SDAD1: variants seen among roughly 807,000 people sequenced by gnomAD.
SDAD1 encodes protein SDA1 homolog.
SDAD1 carries 79 observed loss-of-function variants against 100.3 expected under a neutral mutation model. That is an observed-to-expected ratio of 0.79 (90% CI 0.66 to 0.95). The LOEUF is 0.95. Ranked by LOEUF, SDAD1 falls within the 40% of genes least tolerant of loss-of-function variation. The pLI is 0.00. For missense variants in SDAD1, 790 were observed against 810.9 expected (o/e 0.97, Z 0.31); for synonymous variants, 267 against 271.4 (o/e 0.98, Z 0.16).
intron 1 of SDAD1, among the ~76,000 whole-genome samples, chr4:75,984,778 A>AAACACACAC (rs1730780809): frequency 6.6e-5 from 9 of 136,928 alleles, no homozygotes; most frequent in African/African-American, 2.2e-4. Flanking sequence ...CACACACACA[A>AAACACACAC]ACACACACAC....
chr4:75,954,105 G>A lies in SDAD1; in HGVS notation c.2016+1870C>T, dbSNP rs551327345. On this transcript the variant is annotated intron_variant, in intron 21 of 21. Coordinates refer to ENST00000356260, the MANE Select transcript of SDAD1 (RefSeq NM_018115.4). ...AAAGTACCCACGCCTGGGGCCAGGC[G>A]CGGTAGTAGCTCACGCCTGTAATCC... 1.3e-3 allele frequency among the ~76,000 whole-genome samples: 199 copies of A among 152,142 alleles called. 1 individual carries two copies. The highest frequency in any genetic ancestry group is 4.5e-3 in the African/African-American group (185 of 41,524).
At chr4:75,958,316 T>G (rs1415639830) in intron 17 of SDAD1, among the ~76,000 whole-genome samples, 1 of 152,206 alleles carries the variant, frequency 6.6e-6, no homozygotes, top group Admixed American at 6.5e-5. Context: ...CTAAACCAAC[T>G]GTGTCCATCA....
chr4:75,962,409 T>C (rs1268181231), intron 14 of SDAD1, among the ~76,000 whole-genome samples: 2 of 152,238 alleles, frequency 1.3e-5, no homozygotes, highest in East Asian at 1.9e-4. Flanking sequence ...TTCGGGTATA[T>C]ACCCAGTTAT....
chr4:75,971,631 G>A (rs1729872778), intron 8 of SDAD1, among the ~76,000 whole-genome samples, 173 bp from the exon 9 acceptor site: 1 of 152,172 alleles, frequency 6.6e-6, no homozygotes, highest in Admixed American at 6.5e-5. Context: ...AGCGCTTTGG[G>A]AGGCCAAGGT....
At chr4:75,957,110 AAAAC>A (rs887141929) in intron 20 of SDAD1, among the ~76,000 whole-genome samples, 1 of 152,218 alleles carries the variant, frequency 6.6e-6, no homozygotes. Context: ...ACTGTCGCAA[AAAAC>A]AAACAAACAA....
At chr4:75,979,781 T>C (rs997512388) in intron 3 of SDAD1, among the ~76,000 whole-genome samples, 3 of 152,200 alleles carry the variant, frequency 2.0e-5, no homozygotes, top group Non-Finnish European at 2.9e-5. Flanking sequence ...TTTAAAAACC[T>C]ACTAATCATC....
At chr4:75,968,492 G>C (rs1018423261) in intron 11 of SDAD1, among the ~76,000 whole-genome samples, 6 of 151,648 alleles carry the variant, frequency 4.0e-5, no homozygotes, top group Non-Finnish European at 8.8e-5. Context: ...TAAATTTCTG[G>C]GTATCTCTTT....
At chr4:75,968,156 A>C (rs1415877546) in intron 11 of SDAD1, among the ~76,000 whole-genome samples, 1 of 152,180 alleles carries the variant, frequency 6.6e-6, no homozygotes, top group Non-Finnish European at 1.5e-5. Flanking sequence ...CTTAAATCAC[A>C]AATCACTTTT....
chr4:75,970,064 T>C (rs1184862640), intron 10 of SDAD1, among the ~76,000 whole-genome samples: 2 of 151,952 alleles, frequency 1.3e-5, no homozygotes, highest in South Asian at 2.1e-4. Flanking sequence ...CCTATTACAA[T>C]TGTGTTGTTA....
chr4:75,963,282 T>TTGGTACCAGTACCATGCTGTTC (rs1729352265), intron 14 of SDAD1, among the ~76,000 whole-genome samples: 1 of 151,834 alleles, frequency 6.6e-6, no homozygotes, highest in Admixed American at 6.6e-5. Flanking sequence ...CCATGCTGTT[T>TTGGTACCAGTACCATGCTGTTC]TGGTTACTGT....
At chr4:75,958,837 C>T (rs1422127838) in intron 17 of SDAD1, among the ~76,000 whole-genome samples, 1 of 151,112 alleles carries the variant, frequency 6.6e-6, no homozygotes, top group Admixed American at 6.6e-5. Flanking sequence ...GTGGCTCACG[C>T]CTGTAATCCC....
chr4:75,973,275 T>C (rs1340489109), intron 8 of SDAD1, 42 bp downstream of exon 8: 6 of 1,486,964 alleles, frequency 4.0e-6, no homozygotes, highest in Non-Finnish European at 4.7e-6. Context: ...CTCAGAGCAA[T>C]AATAAAAGGT....
In SDAD1 at chr4:75,970,289, C is replaced by T. The variant is rs377114178; in HGVS notation, c.883+20G>A. ...GCAGAGATAAGGCCAACAAGGAACT[C>T]GGACGTCATAATAACGTACCTTGGG... On this transcript the variant is annotated intron_variant, in intron 10 of 21. Coordinates refer to ENST00000356260, the MANE Select transcript of SDAD1 (RefSeq NM_018115.4). 3.0e-5 allele frequency: 48 copies of T among 1,604,256 alleles called. No individual in the cohort carries two copies. The highest frequency in any genetic ancestry group is 5.0e-5 in the Admixed American group (3 of 59,720).
At chr4:75,967,130 A>C in intron 12 of SDAD1, 147 bp downstream of exon 12, 2 of 706,596 alleles carry the variant, frequency 2.8e-6, no homozygotes, top group Non-Finnish European at 4.7e-6. Flanking sequence ...ACCCATAGCA[A>C]ACTCTAGAAA....
chr4:75,968,703 G>A (rs17506007), intron 11 of SDAD1, among the ~76,000 whole-genome samples: 19,806 of 152,136 alleles, frequency 0.13, 1,795 homozygotes, highest in East Asian at 0.38. Context: ...TCAAGAAAAT[G>A]TGTATGCGTA....
At chr4:75,984,778 A>AACACACACACAC (rs35320227) in intron 1 of SDAD1, among the ~76,000 whole-genome samples, 13,425 of 136,802 alleles carry the variant, frequency 0.098, 763 homozygotes, top group East Asian at 0.21. Context: ...CACACACACA[A>AACACACACACAC]ACACACACAC....
chr4:75,967,437 CTT>C (rs1729612758), intron 11 of SDAD1, 103 bp from the exon 12 acceptor site: 1 of 1,073,728 alleles, frequency 9.3e-7, no homozygotes, highest in African/African-American at 1.6e-5. Context: ...TTGCAGAACA[CTT>C]TTGTTTTTTT....
intron 11 of SDAD1, 108 bp from the exon 12 acceptor site, chr4:75,967,442 G>T: frequency 1.0e-6 from 1 of 997,820 alleles, no homozygotes; most frequent in Non-Finnish European, 1.5e-6. Context: ...GAACACTTTT[G>T]TTTTTTTCTC....
At position 75,960,792 on chromosome 4, in the gene SDAD1, C is replaced by A. The variant is rs1467725084; in HGVS notation, c.1356+236G>T. Among the ~76,000 whole-genome samples the A allele has an allele frequency of 2.6e-5, 4 of 152,164 alleles. No homozygotes were observed. The East Asian group carries it at 7.7e-4, about 29-fold the overall frequency. ...ATCTGTTAATAACATTAAAAGCTTTCAAGCTGAAACAGCCTGATAGGTCTT... is the reference window on the plus strand; with the variant it reads ...ATCTGTTAATAACATTAAAAGCTTTAAAGCTGAAACAGCCTGATAGGTCTT... On this transcript the variant is annotated intron_variant, in intron 16 of 21. Transcript: ENST00000356260.
Sources: gnomAD v4.1 joint callset for allele counts (sites outside exome capture counted in the v4.1 genomes callset) on GRCh38, gnomAD v4.1.1 for gene constraint, MANE v1.5 for transcripts, NCBI Gene and HGNC (gene_info 2026-07-23, HGNC 2026-07-21) for gene names.